NSUN3: variants seen among roughly 807,000 people sequenced by gnomAD.
NSUN3 encodes the protein NOP2/Sun RNA methyltransferase 3.
In NSUN3, 24 loss-of-function variants were observed where a neutral mutation model predicts 36.8. That is an observed-to-expected ratio of 0.65 (90% CI 0.47 to 0.92). The LOEUF is 0.92. NSUN3 is among the 40% of genes least tolerant of loss of function. The pLI is 0.00. For synonymous variants in NSUN3, 146 were observed against 145.2 expected (o/e 1.01, Z -0.04); for missense variants, 381 against 392.8 (o/e 0.97, Z 0.25).
At chr3:94,066,734 A>G (rs898349434) in intron 2 of NSUN3, among the ~76,000 whole-genome samples, 6 of 151,986 alleles carry the variant, frequency 3.9e-5, no homozygotes, top group African/African-American at 1.2e-4. Flanking sequence ...TTAGTCCCAT[A>G]CTTCTGTTTT....
At chr3:94,125,453 G>A (rs2077481601) in intron 5 of NSUN3, among the ~76,000 whole-genome samples, 2 of 152,222 alleles carry the variant, frequency 1.3e-5, no homozygotes, top group South Asian at 4.1e-4. Context: ...AACCCATAGT[G>A]GCTGCCTTAG....
chr3:94,063,750 T>C (rs997380145), intron 1 of NSUN3: 5 of 152,474 alleles, frequency 3.3e-5, no homozygotes, highest in Admixed American at 6.5e-5. Flanking sequence ...CCCTAGTAGC[T>C]AGGACTACAG....
At chr3:94,100,052 G>T (rs920078698) in intron 5 of NSUN3, among the ~76,000 whole-genome samples, 2 of 152,174 alleles carry the variant, frequency 1.3e-5, no homozygotes, top group African/African-American at 4.8e-5. Flanking sequence ...AGGATTGATT[G>T]CAGATCCTTA....
intron 3 of NSUN3, among the ~76,000 whole-genome samples, chr3:94,087,347 C>T (rs529600353): frequency 6.6e-6 from 1 of 152,312 alleles, no homozygotes; most frequent in Non-Finnish European, 1.5e-5. Context: ...TAGATCAGTA[C>T]TGACCTTTAT....
intron 5 of NSUN3, among the ~76,000 whole-genome samples, chr3:94,107,852 G>C (rs369531167): frequency 1.3e-5 from 2 of 152,000 alleles, no homozygotes; most frequent in Non-Finnish European, 2.9e-5. Context: ...TTGCTAAGTA[G>C]CTGCCCTCAT....
rs186002369 is a variant in NSUN3, at chr3:94,073,118, C to T, written c.122+8572C>T. Reference sequence around the variant, plus strand: ...GTTTCCAGCTTCATCCATGTCCCCGCGAAGGACGTGAACTCATCCTTTTAT... The same window carrying T: ...GTTTCCAGCTTCATCCATGTCCCCGTGAAGGACGTGAACTCATCCTTTTAT... On this transcript the variant is annotated intron_variant, in intron 2 of 5. Coordinates refer to ENST00000314622, the MANE Select transcript of NSUN3 (RefSeq NM_022072.5). 9.6e-3 allele frequency among the ~76,000 whole-genome samples: 1,467 copies of T among 152,222 alleles called. 22 individuals are homozygous for T. The highest frequency in any genetic ancestry group is 0.032 in the African/African-American group (1,336 of 41,532).
intron 2 of NSUN3, among the ~76,000 whole-genome samples, chr3:94,065,565 C>A (rs1157449087): frequency 6.6e-6 from 1 of 152,138 alleles, no homozygotes; most frequent in African/African-American, 2.4e-5. Flanking sequence ...AAGCATTTCT[C>A]CTTTACAAAG....
intron 2 of NSUN3, chr3:94,076,215 GA>G: frequency 1.1e-6 from 1 of 917,828 alleles, no homozygotes. Flanking sequence ...GGTGACTACT[GA>G]ACCTGGAATA....
chr3:94,072,467 T>C lies in NSUN3; in HGVS notation c.122+7921T>C, dbSNP rs144137819. 8.4e-3 allele frequency among the ~76,000 whole-genome samples: 1,276 copies of C among 152,260 alleles called. 18 individuals carry two copies. Among genetic ancestry groups the C allele is most frequent in the African/African-American group, 0.03 (1,227 of 41,548 alleles). On this transcript the variant is annotated intron_variant, in intron 2 of 5. Coordinates refer to ENST00000314622, the MANE Select transcript of NSUN3 (RefSeq NM_022072.5). ...ATGAACATTGTACACATCCAGTCAG[T>C]AACATTTATTAATAATGATATCAGA...
intron 3 of NSUN3, among the ~76,000 whole-genome samples, chr3:94,092,919 CAAAAA>C (rs1161530879): frequency 3.1e-3 from 76 of 24,632 alleles, no homozygotes; most frequent in African/African-American, 0.012. Context: ...GACTGCATCT[CAAAAA>C]AAAAAAAAAA....
chr3:94,117,712 A>AT (rs764838422), intron 5 of NSUN3, among the ~76,000 whole-genome samples: 158 of 151,978 alleles, frequency 1.0e-3, no homozygotes, highest in Middle Eastern at 3.4e-3. Context: ...TCTACTATAT[A>AT]TTTTTTCTTT....
intron 1 of NSUN3, 66 bp downstream of exon 1, chr3:94,063,204 G>C: frequency 6.6e-7 from 1 of 1,525,876 alleles, no homozygotes; most frequent in South Asian, 1.1e-5. Context: ...GGCCGAGGTG[G>C]CGAGGGAGGG....
chr3:94,124,756 A>T (rs2077478484), intron 5 of NSUN3, among the ~76,000 whole-genome samples: 1 of 152,204 alleles, frequency 6.6e-6, no homozygotes, highest in Admixed American at 6.5e-5. Context: ...AATTCAAAAC[A>T]TATTTAATTT....
intron 4 of NSUN3, 57 bp downstream of exon 4, chr3:94,094,351 T>G: frequency 2.0e-6 from 3 of 1,484,924 alleles, no homozygotes; most frequent in Non-Finnish European, 2.8e-6. Flanking sequence ...ACTATTATGT[T>G]GCTTTGTGGT....
intron 2 of NSUN3, among the ~76,000 whole-genome samples, chr3:94,083,512 C>G (rs2077279608): frequency 6.6e-6 from 1 of 152,048 alleles, no homozygotes; most frequent in South Asian, 2.1e-4. Context: ...CAAACGGAGG[C>G]TGAAGTGAAG....
chr3:94,093,306 AATACATATACACATACAT>A (rs2077323922), intron 3 of NSUN3, among the ~76,000 whole-genome samples: 1 of 151,454 alleles, frequency 6.6e-6, no homozygotes, highest in African/African-American at 2.4e-5. Context: ...GAGTTGTTAA[AATACATATACACATACAT>A]ATACATATAT....
Position 94,094,193 on chromosome 3 carries a change from A to G in NSUN3, c.520A>G (p.Thr174Ala). ...DSLRLRWLRQTLESFIPQPLI... is the reference protein window; with the variant it reads ...DSLRLRWLRQALESFIPQPLI... ...TCTGAGATTGAGGTGGCTAAGGCAG[A>G]CGTTGGAATCTTTCATCCCACAGCC... The change falls in exon 4 of 6, where the codon ACG becomes GCG. Residue 174 changes from threonine to alanine, a missense_variant. Thr to Ala is a moderately conservative substitution (Grantham distance 58). Coordinates refer to ENST00000314622, the MANE Select transcript of NSUN3 (RefSeq NM_022072.5). The G allele has an allele frequency of 6.2e-7, 1 of 1,613,406 alleles. No individual in the cohort carries two copies. The highest frequency in any genetic ancestry group is 8.5e-7 in the Non-Finnish European group (1 of 1,179,520).
At chr3:94,121,693 G>A (rs1472382130) in intron 5 of NSUN3, among the ~76,000 whole-genome samples, 1 of 152,104 alleles carries the variant, frequency 6.6e-6, no homozygotes, top group East Asian at 1.9e-4. Flanking sequence ...AGTATGAGAA[G>A]ACCCTCAGTG....
chr3:94,077,059 G>A (rs2077249304), intron 2 of NSUN3: 1 of 794,104 alleles, frequency 1.3e-6, no homozygotes, highest in Admixed American at 1.7e-5. Context: ...CCACTCCAGA[G>A]CCTGCGTCAT....
Sources: gnomAD v4.1 joint callset for allele counts (sites outside exome capture counted in the v4.1 genomes callset) on GRCh38, gnomAD v4.1.1 for gene constraint, MANE v1.5 for transcripts, NCBI Gene and HGNC (gene_info 2026-07-23, HGNC 2026-07-21) for gene names.